The following CUX2 variants were observed in gnomAD, a reference collection of about 807,000 sequenced individuals.
CUX2 encodes cut like homeobox 2, also known as homeobox protein cut-like 2.
In CUX2, 40 loss-of-function variants were observed where a neutral mutation model predicts 144.8. The ratio of observed to expected loss-of-function variants is 0.28; its 90% confidence interval spans 0.21 to 0.36. The LOEUF (loss-of-function observed/expected upper bound fraction) is 0.36. CUX2 is among the 10% of genes least tolerant of loss of function. The pLI, the probability that CUX2 is intolerant of heterozygous loss-of-function variation, is 1.00. For synonymous variants in CUX2, 827 were observed against 875.6 expected (o/e 0.94, Z 0.98); for missense variants, 1,615 against 1,994.0 (o/e 0.81, Z 3.62).
chr12:111,039,953 C>T lies in CUX2; in HGVS notation c.63+5713C>T, dbSNP rs1869658175. 1.3e-5 allele frequency among the ~76,000 whole-genome samples: 2 copies of T among 152,100 alleles called. No homozygotes were observed. Among genetic ancestry groups the T allele is most frequent in the South Asian group, 4.1e-4 (2 of 4,826 alleles). ...TTTCTAAGCCTCAGTGAGCCCTTCA[C>T]CAAAATGGCTTGTAGTGTTTTGGAG... On this transcript the variant is annotated intron_variant, in intron 1 of 21. Transcript: ENST00000261726. This position sits in a 1 kb window ranked among gnomAD's most constrained non-coding sequence, Gnocchi z 4.2.
intron 3 of CUX2, among the ~76,000 whole-genome samples, chr12:111,252,695 T>C (rs1883618172): frequency 6.6e-6 from 1 of 151,726 alleles, no homozygotes; most frequent in Admixed American, 6.6e-5. Context: ...GTTGGTTTAT[T>C]GCCCACTCTG....
At chr12:111,239,269 GA>G (rs979741086) in intron 3 of CUX2, among the ~76,000 whole-genome samples, 1 of 151,240 alleles carries the variant, frequency 6.6e-6, no homozygotes, top group African/African-American at 2.4e-5. Context: ...ATGTTTAAAA[GA>G]AAAAAAAAGT....
intron 1 of CUX2, among the ~76,000 whole-genome samples, chr12:111,116,232 G>T (rs548871477): frequency 6.6e-6 from 1 of 152,220 alleles, no homozygotes; most frequent in East Asian, 1.9e-4. Context: ...AACGAAAGAT[G>T]TTGCTTTCAC....
intron 1 of CUX2, among the ~76,000 whole-genome samples, chr12:111,074,230 A>T (rs549087344): frequency 2.0e-5 from 3 of 152,042 alleles, no homozygotes; most frequent in African/African-American, 7.3e-5. Flanking sequence ...TTCCCAGTCG[A>T]GGCTTCTCAT....
chr12:111,304,066 T>C lies in CUX2; in HGVS notation c.754-144T>C. The C allele has an allele frequency of 1.6e-6, 1 of 629,358 alleles. No individual in the cohort carries two copies. The highest frequency in any genetic ancestry group is 2.8e-6 in the Non-Finnish European group (1 of 352,794). The allele number at this position is 629,358 out of a possible 1,614,324, so 39.0% of individuals were successfully genotyped here. On this transcript the variant is annotated intron_variant, in intron 9 of 21. Transcript: ENST00000261726. This position sits in a 1 kb window ranked among gnomAD's most constrained non-coding sequence, Gnocchi z 4.7. ...GGGCTCTGTGACTGGTCTTCATAGC[T>C]CCAGGACAGGGTCCGGGACTAGGAA...
rs1466214218 is a variant in CUX2, at chr12:111,160,012, G to A, written c.64-54188G>A. Among the ~76,000 whole-genome samples, 1 of 152,170 alleles carries A rather than the reference G, an allele frequency of 6.6e-6. No homozygotes were observed. Among genetic ancestry groups the A allele is most frequent in the Non-Finnish European group, 1.5e-5 (1 of 68,030 alleles). ...TGCACTCCAGCCTGGGCGACAAAGT[G>A]AGACTATCTTAAAAACAAAACAAAA... On this transcript the variant is annotated intron_variant, in intron 1 of 21. Transcript: ENST00000261726. This position sits in a 1 kb window ranked among gnomAD's most constrained non-coding sequence, Gnocchi z 4.1.
At chr12:111,216,945 A>C (rs752157854) in intron 2 of CUX2, among the ~76,000 whole-genome samples, 13 of 152,038 alleles carry the variant, frequency 8.6e-5, no homozygotes, top group Non-Finnish European at 5.9e-5. Context: ...TCCCCACCCT[A>C]TCTAGTCCCT....
intron 4 of CUX2, among the ~76,000 whole-genome samples, chr12:111,278,226 G>GGGCAACA (rs1884971801): frequency 6.6e-6 from 1 of 152,210 alleles, no homozygotes; most frequent in Non-Finnish European, 1.5e-5. Flanking sequence ...AGACCAGCCT[G>GGGCAACA]GGCAACATAG....
At chr12:111,040,471 G>A (rs1869687986) in intron 1 of CUX2, among the ~76,000 whole-genome samples, 1 of 151,724 alleles carries the variant, frequency 6.6e-6, no homozygotes, top group Non-Finnish European at 1.5e-5. Context: ...CCACCTCAGG[G>A]CCTTTGCATG....
At chr12:111,152,405 A>G (rs1877107373) in intron 1 of CUX2, among the ~76,000 whole-genome samples, 1 of 152,214 alleles carries the variant, frequency 6.6e-6, no homozygotes, top group African/African-American at 2.4e-5. Context: ...CTCAGCTCTC[A>G]GGGCAAACTG....
At chr12:111,087,793 A>G (rs1262992107) in intron 1 of CUX2, among the ~76,000 whole-genome samples, 1 of 152,230 alleles carries the variant, frequency 6.6e-6, no homozygotes, top group African/African-American at 2.4e-5. Context: ...GGGTTTAAAA[A>G]TGAAGGACTA....
chr12:111,179,657 A>C (rs192151678), intron 1 of CUX2, among the ~76,000 whole-genome samples: 1 of 148,758 alleles, frequency 6.7e-6, no homozygotes, highest in Non-Finnish European at 1.5e-5. Flanking sequence ...GTATGACATG[A>C]TTGGTCAGCA....
chr12:111,094,877 T>G (rs1872730498), intron 1 of CUX2, among the ~76,000 whole-genome samples: 1 of 152,204 alleles, frequency 6.6e-6, no homozygotes, highest in Non-Finnish European at 1.5e-5. Flanking sequence ...GCCGGAAGTT[T>G]TGTGCAGCCT....
chr12:111,285,840 C>T (rs1037626143), intron 4 of CUX2, among the ~76,000 whole-genome samples: 2 of 152,348 alleles, frequency 1.3e-5, no homozygotes, highest in South Asian at 2.1e-4. Flanking sequence ...TGGATGTCAC[C>T]GCCACCTTCT....
chr12:111,259,372 A>G (rs1482467188), intron 3 of CUX2, among the ~76,000 whole-genome samples: 1 of 152,164 alleles, frequency 6.6e-6, no homozygotes, highest in Non-Finnish European at 1.5e-5. Context: ...TTGTAACATA[A>G]AAGCAGCCAT....
chr12:111,043,285 G>A (rs570815156), intron 1 of CUX2, among the ~76,000 whole-genome samples: 3 of 152,268 alleles, frequency 2.0e-5, no homozygotes, highest in Non-Finnish European at 4.4e-5. Context: ...CTCAGGGGAT[G>A]CTTCCTGGAA....
chr12:111,297,090 TTGCCTCCTCCCTCTGACCCTCCCAGATA>T (rs1886044943), intron 8 of CUX2, among the ~76,000 whole-genome samples: 4 of 132,940 alleles, frequency 3.0e-5, no homozygotes, highest in African/African-American at 8.7e-5. Context: ...CCTCCAGTAC[TTGCCTCCTCCCTCTGACCCTCCCAGATA>T]TGCCTCCACC....
intron 1 of CUX2, among the ~76,000 whole-genome samples, chr12:111,211,592 A>T (rs1469712956): frequency 6.6e-6 from 1 of 152,186 alleles, no homozygotes; most frequent in East Asian, 1.9e-4. Flanking sequence ...ATAAGAACAT[A>T]GTGTCAGACA....
chr12:111,155,627 C>T (rs1046679400), intron 1 of CUX2, among the ~76,000 whole-genome samples: 2 of 152,208 alleles, frequency 1.3e-5, no homozygotes, highest in Admixed American at 6.5e-5. Flanking sequence ...ACCCTAGCCT[C>T]TGTCCACTGC....
Sources: gnomAD v4.1 joint callset for allele counts (sites outside exome capture counted in the v4.1 genomes callset) on GRCh38, gnomAD v4.1.1 for gene constraint, Gnocchi (gnomAD v3.1) non-coding constraint, MANE v1.5 for transcripts, NCBI Gene and HGNC (gene_info 2026-07-23, HGNC 2026-07-21) for gene names.